The following MARCHF5 variants were observed in gnomAD, a reference collection of about 807,000 sequenced individuals.
The protein encoded by MARCHF5 is membrane associated ring-CH-type finger 5.
Under a neutral mutation model 36.5 loss-of-function variants are expected in MARCHF5, and 5 were observed. That is an observed-to-expected ratio of 0.14 (90% confidence interval 0.07 to 0.29). MARCHF5 has a LOEUF of 0.29. Among genes scored for constraint, MARCHF5 ranks in the 10% least tolerant of loss-of-function variants. MARCHF5 has a pLI of 1.00. For missense variants in MARCHF5, 179 were observed against 336.3 expected, an observed-to-expected ratio of 0.53 and a Z score of 3.66; for synonymous variants, 103 against 109.9, an observed-to-expected ratio of 0.94 and a Z score of 0.39.
intron 3 of MARCHF5, among the ~76,000 whole-genome samples, chr10:92,345,539 G>T (rs1264535290): frequency 6.6e-6 from 1 of 151,898 alleles, no homozygotes; most frequent in Non-Finnish European, 1.5e-5. Context: ...TAAAAGCTCA[G>T]ACCTTAATTA....
In MARCHF5 at chr10:92,291,396, G is replaced by A; in HGVS notation, c.-99G>A. 4 of 1,125,192 alleles carry A rather than the reference G, an allele frequency of 3.6e-6. No homozygotes were observed. The highest frequency in any genetic ancestry group is 1.3e-5 in the South Asian group (1 of 75,682). 69.7% of individuals were successfully genotyped at this position (1,125,192 alleles called of 1,614,324 possible). A position where few individuals can be genotyped will look rare whatever the true frequency, so the allele number is the denominator to read the frequency against. On this transcript the variant is annotated 5_prime_UTR_variant, in exon 1 of 6. Coordinates refer to ENST00000358935, the MANE Select transcript of MARCHF5 (RefSeq NM_017824.5). The stretch of plus-strand genomic sequence containing the variant: ...GGGTGACGGGTTCGCGGCTGCCGCC[G>A]GACTGCGGCCTACTCCGCCGCCTCT...
chr10:92,295,946 G>T (rs1842945304), intron 1 of MARCHF5, among the ~76,000 whole-genome samples: 1 of 151,154 alleles, frequency 6.6e-6, no homozygotes, highest in African/African-American at 2.4e-5. Context: ...CGCGATCTCG[G>T]TTCACCACAA....
At chr10:92,305,793 G>A (rs1488979421) in intron 1 of MARCHF5, among the ~76,000 whole-genome samples, 2 of 152,132 alleles carry the variant, frequency 1.3e-5, no homozygotes, top group Admixed American at 1.3e-4. Flanking sequence ...CATTTCAAAA[G>A]ACAAAACCAA....
chr10:92,342,295 C>T (rs1021067553), intron 3 of MARCHF5, among the ~76,000 whole-genome samples: 6 of 151,940 alleles, frequency 3.9e-5, no homozygotes, highest in African/African-American at 1.5e-4. Context: ...ACTACAGGCA[C>T]ACACCACTAT....
chr10:92,344,089 C>CT (rs1564954033), intron 3 of MARCHF5, among the ~76,000 whole-genome samples: 1 of 152,030 alleles, frequency 6.6e-6, no homozygotes, highest in Non-Finnish European at 1.5e-5. Context: ...TGAGATGGCT[C>CT]TTTTTTAAGA....
chr10:92,323,520 A>G (rs1843316007), intron 2 of MARCHF5, among the ~76,000 whole-genome samples: 1 of 152,202 alleles, frequency 6.6e-6, no homozygotes, highest in African/African-American at 2.4e-5. Flanking sequence ...CCATTATAGT[A>G]TTATACAGAA....
intron 2 of MARCHF5, among the ~76,000 whole-genome samples, chr10:92,312,338 C>G (rs1339839016): frequency 6.6e-6 from 1 of 152,124 alleles, no homozygotes. Context: ...CTGTTTTTCT[C>G]TAACATGCAC....
chr10:92,346,551 C>T (rs1324346164), intron 3 of MARCHF5, among the ~76,000 whole-genome samples: 3 of 130,740 alleles, frequency 2.3e-5, no homozygotes, highest in Non-Finnish European at 4.7e-5. Flanking sequence ...CAGGCTGGTG[C>T]AATCTCGGCT....
chr10:92,305,125 A>G (rs1227779131), intron 1 of MARCHF5, among the ~76,000 whole-genome samples: 5 of 152,120 alleles, frequency 3.3e-5, no homozygotes, highest in Non-Finnish European at 7.4e-5. Context: ...GAATATTTAC[A>G]GGGCCAGGCA....
At chr10:92,294,386 G>C (rs1279795222) in intron 1 of MARCHF5, among the ~76,000 whole-genome samples, 1 of 151,564 alleles carries the variant, frequency 6.6e-6, no homozygotes, top group Non-Finnish European at 1.5e-5. Context: ...TAGCCAAATA[G>C]AAGGCACTTA....
rs181619725 is a variant in MARCHF5, at chr10:92,309,374, T to C, written c.36-1761T>C. Among the ~76,000 whole-genome samples, 38 of 152,350 alleles carry C rather than the reference T, an allele frequency of 2.5e-4. 1 individual carries two copies. The highest frequency in any genetic ancestry group is 2.2e-3 in the Admixed American group (33 of 15,298). On this transcript the variant is annotated intron_variant, in intron 1 of 5. Coordinates refer to ENST00000358935, the MANE Select transcript of MARCHF5 (RefSeq NM_017824.5). The stretch of plus-strand genomic sequence containing the variant: ...ACAGATTAATGTAGACTATTTCAGT[T>C]GGTTCAACCTAGTCCTAACATTGTA...
chr10:92,307,390 A>G (rs1357227064), intron 1 of MARCHF5, among the ~76,000 whole-genome samples: 1 of 152,168 alleles, frequency 6.6e-6, no homozygotes, highest in Non-Finnish European at 1.5e-5. Flanking sequence ...TAGGTAGATT[A>G]AATTTAAACA....
At chr10:92,340,946 C>G in intron 3 of MARCHF5, 143 bp downstream of exon 3, 1 of 730,344 alleles carries the variant, frequency 1.4e-6, no homozygotes, top group Non-Finnish European at 2.0e-6. Context: ...CCTACTTTTT[C>G]TTTACCCAAA....
chr10:92,301,626 G>C (rs527564659), intron 1 of MARCHF5, among the ~76,000 whole-genome samples: 2 of 152,222 alleles, frequency 1.3e-5, no homozygotes, highest in South Asian at 2.1e-4. Flanking sequence ...CTCAGTATTC[G>C]TGGGGAATTG....
At position 92,351,232 on chromosome 10, in the gene MARCHF5, TTC is replaced by T. The variant is rs1192203965; in HGVS notation, c.*30_*31del. On this transcript the variant is annotated 3_prime_UTR_variant, in exon 6 of 6. Transcript: ENST00000358935. ...AAACTGACTTCTGGTTGTTCTGCAGTTCTCTCATCCTTATGAATCTGTTGTGT... is the reference window on the plus strand; with the variant it reads ...AAACTGACTTCTGGTTGTTCTGCAGTTCTCATCCTTATGAATCTGTTGTGT... The T allele has an allele frequency of 7.3e-7, 1 of 1,366,536 alleles. No homozygotes were observed. The highest frequency in any genetic ancestry group is 1.7e-5 in the Admixed American group (1 of 57,946). The allele number at this position is 1,366,536 out of a possible 1,614,324, so 84.7% of individuals were successfully genotyped here. A position where few individuals can be genotyped will look rare whatever the true frequency, so the allele number is the denominator to read the frequency against.
chr10:92,292,651 T>G (rs1216353837), intron 1 of MARCHF5, among the ~76,000 whole-genome samples: 2 of 152,266 alleles, frequency 1.3e-5, no homozygotes, highest in Non-Finnish European at 2.9e-5. Context: ...ATTATGTCAC[T>G]GATTTTTTTC....
At chr10:92,331,864 TG>T (rs1202949383) in intron 2 of MARCHF5, among the ~76,000 whole-genome samples, 1 of 147,500 alleles carries the variant, frequency 6.8e-6, no homozygotes, top group Non-Finnish European at 1.5e-5. Flanking sequence ...ATCATATATA[TG>T]TTTTTATATA....
chr10:92,340,855 A>T, intron 3 of MARCHF5, 52 bp downstream of exon 3: 1 of 1,420,438 alleles, frequency 7.0e-7, no homozygotes, highest in Non-Finnish European at 9.4e-7. Flanking sequence ...GATCTATTAA[A>T]ACATTTTTTG....
chr10:92,321,420 T>C (rs1256316349), intron 2 of MARCHF5, among the ~76,000 whole-genome samples: 1 of 152,140 alleles, frequency 6.6e-6, no homozygotes, highest in African/African-American at 2.4e-5. Context: ...TTGATTTTCA[T>C]ATTAGACTCG....
Sources: allele counts gnomAD v4.1 joint callset (sites outside exome capture counted in the v4.1 genomes callset), GRCh38; gene constraint gnomAD v4.1.1; transcripts MANE v1.5; gene names NCBI Gene and HGNC (gene_info 2026-07-23, HGNC 2026-07-21).